KCNH8: variants seen among roughly 807,000 people sequenced by gnomAD.
The protein encoded by KCNH8 is potassium voltage-gated channel subfamily H member 8, also known as voltage-gated delayed rectifier potassium channel KCNH8.
Under a neutral mutation model 103.6 loss-of-function variants are expected in KCNH8, and 70 were observed. That is an observed-to-expected ratio of 0.68 (90% CI 0.56 to 0.82). KCNH8 has a LOEUF of 0.82. KCNH8 is among the 40% of genes least tolerant of loss of function. The pLI is 0.00. For missense variants in KCNH8, 1,217 were observed against 1,329.9 expected (o/e 0.92, Z 1.32); for synonymous variants, 498 against 489.4 (o/e 1.02, Z -0.23).
chr3:19,214,726 C>A (rs2063802517), intron 1 of KCNH8, among the ~76,000 whole-genome samples: 2 of 152,180 alleles, frequency 1.3e-5, no homozygotes, highest in Admixed American at 1.3e-4. Context: ...ATCTGGGGAA[C>A]CTGACATTAG....
chr3:19,503,943 T>A lies in KCNH8; in HGVS notation c.2041-6420T>A, dbSNP rs149103739. Among the ~76,000 whole-genome samples the A allele has an allele frequency of 8.6e-3, 1,307 of 151,582 alleles. 16 individuals carry two copies. Among genetic ancestry groups the A allele is most frequent in the South Asian group, 0.02 (95 of 4,800 alleles). ...TAAAGTATAATAATAATAATAATAA[T>A]AAAGAAAATTACTTTCTTTAAGAAT... On this transcript the variant is annotated intron_variant, in intron 11 of 15. Coordinates refer to ENST00000328405, the MANE Select transcript of KCNH8 (RefSeq NM_144633.3).
At chr3:19,378,064 C>T (rs1372102222) in intron 5 of KCNH8, among the ~76,000 whole-genome samples, 2 of 151,988 alleles carry the variant, frequency 1.3e-5, no homozygotes, top group African/African-American at 2.4e-5. Context: ...GTGTTGGGGG[C>T]GGTTCTCTTA....
intron 2 of KCNH8, 27 bp downstream of exon 2, chr3:19,253,914 T>C (rs373010498): frequency 3.2e-4 from 477 of 1,510,446 alleles, no homozygotes; most frequent in Non-Finnish European, 4.1e-4. Flanking sequence ...TCGTGCTCAC[T>C]GGAGAGTAGT....
At chr3:19,212,167 A>T (rs1248173651) in intron 1 of KCNH8, among the ~76,000 whole-genome samples, 1 of 152,230 alleles carries the variant, frequency 6.6e-6, no homozygotes, top group Admixed American at 6.5e-5. Context: ...CTCAGATTTC[A>T]CATATTTATT....
At chr3:19,409,064 A>T (rs2066736323) in intron 7 of KCNH8, among the ~76,000 whole-genome samples, 1 of 152,120 alleles carries the variant, frequency 6.6e-6, no homozygotes, top group Non-Finnish European at 1.5e-5. Context: ...AAGACATATA[A>T]CCACTAGACT....
At chr3:19,233,786 A>T (rs975481701) in intron 1 of KCNH8, among the ~76,000 whole-genome samples, 8 of 151,886 alleles carry the variant, frequency 5.3e-5, no homozygotes, top group African/African-American at 1.9e-4. Flanking sequence ...GAAGCCATGG[A>T]CCCTCGCGGT....
chr3:19,524,336 AACG>A (rs2069025727), intron 15 of KCNH8, among the ~76,000 whole-genome samples: 1 of 151,954 alleles, frequency 6.6e-6, no homozygotes, highest in African/African-American at 2.4e-5. Flanking sequence ...TTTGACCTAG[AACG>A]ACAAAATTCA....
intron 7 of KCNH8, among the ~76,000 whole-genome samples, 188 bp from the exon 8 acceptor site, chr3:19,437,976 C>T (rs1029150634): frequency 6.6e-6 from 1 of 152,148 alleles, no homozygotes; most frequent in African/African-American, 2.4e-5. Context: ...TAGAGAACAG[C>T]ATGAGTAAAA....
chr3:19,369,636 C>A (rs546268720), intron 5 of KCNH8, among the ~76,000 whole-genome samples: 20 of 151,894 alleles, frequency 1.3e-4, no homozygotes, highest in Non-Finnish European at 2.6e-4. Context: ...ACTTAAAATA[C>A]CACAGGTTGG....
At position 19,437,500 on chromosome 3, in the gene KCNH8, A is replaced by C. The variant is rs566968952; in HGVS notation, c.1178-664A>C. Among the ~76,000 whole-genome samples, 4 of 152,310 alleles carry C rather than the reference A, an allele frequency of 2.6e-5. No homozygotes were observed. The South Asian group carries it at 8.3e-4, about 32-fold the overall frequency. On this transcript the variant is annotated intron_variant, in intron 7 of 15. Transcript: ENST00000328405. ...TACATAGTATCATAAAACAGTTTGT[A>C]GAGGGGCTTTCAATTCTAATAGATT...
At chr3:19,171,806 C>T (rs936724660) in intron 1 of KCNH8, among the ~76,000 whole-genome samples, 5 of 152,132 alleles carry the variant, frequency 3.3e-5, no homozygotes, top group African/African-American at 9.7e-5. Context: ...AAGTGAGAAA[C>T]TGAGATTAGT....
chr3:19,227,689 A>G (rs1298584253), intron 1 of KCNH8, among the ~76,000 whole-genome samples: 2 of 152,230 alleles, frequency 1.3e-5, no homozygotes, highest in African/African-American at 4.8e-5. Context: ...TGTTTATGCT[A>G]TAGATTCAGG....
chr3:19,524,993 C>G (rs1383613539), intron 15 of KCNH8, among the ~76,000 whole-genome samples: 1 of 151,736 alleles, frequency 6.6e-6, no homozygotes, highest in Non-Finnish European at 1.5e-5. Context: ...TTGTCAGAAG[C>G]TGTGCTCTTT....
intron 11 of KCNH8, among the ~76,000 whole-genome samples, chr3:19,490,806 G>A (rs2068304357): frequency 6.6e-6 from 1 of 152,102 alleles, no homozygotes; most frequent in South Asian, 2.1e-4. Context: ...CTAACCTGGA[G>A]ACTTTTGGAA....
chr3:19,285,668 A>G (rs975242510), intron 3 of KCNH8, among the ~76,000 whole-genome samples: 5 of 151,808 alleles, frequency 3.3e-5, no homozygotes, highest in Admixed American at 2.0e-4. Context: ...CCATTTATTG[A>G]TGAATTTAAA....
intron 7 of KCNH8, among the ~76,000 whole-genome samples, chr3:19,412,648 C>G (rs2066798258): frequency 6.6e-6 from 1 of 151,774 alleles, no homozygotes; most frequent in Admixed American, 6.6e-5. Flanking sequence ...CCAACAAAGT[C>G]TAATGTCGAA....
intron 3 of KCNH8, among the ~76,000 whole-genome samples, chr3:19,292,368 G>A (rs942278270): frequency 6.6e-6 from 1 of 152,100 alleles, no homozygotes. Context: ...AGATTCCAAC[G>A]CAGTGGCATT....
At chr3:19,343,521 A>T (rs1331566712) in intron 4 of KCNH8, among the ~76,000 whole-genome samples, 2 of 152,060 alleles carry the variant, frequency 1.3e-5, no homozygotes, top group African/African-American at 4.8e-5. Flanking sequence ...TGCCTTATGG[A>T]ATCATCAGAA....
At chr3:19,322,909 A>C (rs563494620) in intron 3 of KCNH8, among the ~76,000 whole-genome samples, 1 of 151,924 alleles carries the variant, frequency 6.6e-6, no homozygotes, top group South Asian at 2.1e-4. Flanking sequence ...CTTTGTCTTT[A>C]TTGGCTTGGG....
Sources: allele counts gnomAD v4.1 joint callset (sites outside exome capture counted in the v4.1 genomes callset), GRCh38; gene constraint gnomAD v4.1.1; transcripts MANE v1.5; gene names NCBI Gene and HGNC (gene_info 2026-07-23, HGNC 2026-07-21).